The following SAMMSON variants were observed in gnomAD, a reference collection of about 807,000 sequenced individuals.
SAMMSON encodes survival associated mitochondrial melanoma specific oncogenic non-coding RNA.
At chr3:70,319,164 A>C (rs950237877) in intron 7 of SAMMSON, among the ~76,000 whole-genome samples, 1 of 152,012 alleles carries the variant, frequency 6.6e-6, no homozygotes, top group Non-Finnish European at 1.5e-5. Context: ...CCTCTTCTCC[A>C]TAACCCTACA....
chr3:70,433,461 C>T lies in SAMMSON; in HGVS notation n.234-29099C>T, dbSNP rs146587094. Among the ~76,000 whole-genome samples, 139 of 152,084 alleles carry T rather than the reference C, an allele frequency of 9.1e-4. 1 individual carries two copies. In the East Asian group the frequency reaches 0.021, roughly 23 times the overall value. On this transcript the variant is annotated intron_variant and non_coding_transcript_variant, in intron 2 of 3. Transcript: ENST00000641053. ...TTGCTATCTGTATCTGCATTGTTGG[C>T]GGGGTGACTGTTTAGATCTTTTGCC...
chr3:70,249,379 A>G (rs958315839), intron 5 of SAMMSON, among the ~76,000 whole-genome samples: 6 of 152,140 alleles, frequency 3.9e-5, no homozygotes, highest in Non-Finnish European at 8.8e-5. Context: ...TATTGTGCAA[A>G]TATGAGCATT....
chr3:70,125,936 C>T, intron 4 of SAMMSON: 1 of 746,320 alleles, frequency 1.3e-6, no homozygotes, highest in Non-Finnish European at 2.3e-6. Context: ...GGAGGTTCCT[C>T]AGGTGGCTGA....
chr3:70,167,084 A>T (rs1205298873), intron 4 of SAMMSON, among the ~76,000 whole-genome samples: 1 of 152,040 alleles, frequency 6.6e-6, no homozygotes, highest in African/African-American at 2.4e-5. Flanking sequence ...TAACTCATAT[A>T]TCCAAAATAT....
chr3:70,301,420 C>A (rs532322021), intron 7 of SAMMSON, among the ~76,000 whole-genome samples: 1 of 152,150 alleles, frequency 6.6e-6, no homozygotes, highest in African/African-American at 2.4e-5. Context: ...TTATCTGAAT[C>A]CTATGGTAAA....
chr3:70,413,988 C>G lies in SAMMSON; in HGVS notation n.234-48572C>G, dbSNP rs192524839. Among the ~76,000 whole-genome samples, 4 of 152,074 alleles carry G rather than the reference C, an allele frequency of 2.6e-5. No individual in the cohort carries two copies. The East Asian group carries it at 7.7e-4, about 29-fold the overall frequency. ...ACTGTTCTGAAGCATATCAGGCAAA[C>G]AGAAAGTAGGAGAAGGGAGTATGTA... On this transcript the variant is annotated intron_variant and non_coding_transcript_variant, in intron 2 of 3. Transcript: ENST00000641053.
chr3:70,242,873 C>T (rs952394731), intron 4 of SAMMSON, among the ~76,000 whole-genome samples: 1 of 151,954 alleles, frequency 6.6e-6, no homozygotes, highest in African/African-American at 2.4e-5. Flanking sequence ...AATGTCTTGG[C>T]CATCTGTGCC....
At chr3:70,161,087 GTATCATGTTATC>G (rs1248107771) in intron 4 of SAMMSON, among the ~76,000 whole-genome samples, 2 of 151,944 alleles carry the variant, frequency 1.3e-5, no homozygotes, top group Admixed American at 6.6e-5. Flanking sequence ...TCTACACATG[GTATCATGTTATC>G]TTCAAATAAA....
At chr3:70,125,690 A>G in intron 4 of SAMMSON, 2 of 696,572 alleles carry the variant, frequency 2.9e-6, no homozygotes, top group East Asian at 2.7e-5. Context: ...GGTTGGTCAA[A>G]TACATCCGAA....
intron 3 of SAMMSON, chr3:70,065,385 G>A (rs2067205855): frequency 6.6e-6 from 1 of 152,112 alleles, no homozygotes; most frequent in Non-Finnish European, 1.5e-5. Flanking sequence ...CCTGCGTGCA[G>A]TGACGAGGAT....
At chr3:70,278,910 T>C (rs1414917854) in intron 6 of SAMMSON, among the ~76,000 whole-genome samples, 1 of 151,728 alleles carries the variant, frequency 6.6e-6, no homozygotes, top group African/African-American at 2.4e-5. Context: ...GTGTTTGACA[T>C]GTATCTGGAG....
rs1701986869 is a variant in SAMMSON, at chr3:70,272,769, T to G, written n.675-18410T>G. ...TCCTTCCTCTAAATTCCCCTTGCTT[T>G]CTTTCCTCCATTGGAAAGCATAAAT... On this transcript the variant is annotated intron_variant and non_coding_transcript_variant, in intron 6 of 9. Transcript: ENST00000642114. Among the ~76,000 whole-genome samples the G allele has an allele frequency of 2.6e-5, 4 of 152,242 alleles. No individual in the cohort carries two copies. In the South Asian group the frequency reaches 8.3e-4, roughly 31 times the overall value.
chr3:70,010,484 G>A (rs1412354809), intron 1 of SAMMSON, among the ~76,000 whole-genome samples: 1 of 151,768 alleles, frequency 6.6e-6, no homozygotes, highest in Non-Finnish European at 1.5e-5. Context: ...TTGTTTTCCT[G>A]TTTATTGCCA....
At chr3:70,020,107 C>G (rs373461749) in intron 3 of SAMMSON, among the ~76,000 whole-genome samples, 3 of 152,104 alleles carry the variant, frequency 2.0e-5, no homozygotes, top group African/African-American at 7.2e-5. Flanking sequence ...TGATGGTGTT[C>G]CTGCAGCATA....
intron 7 of SAMMSON, among the ~76,000 whole-genome samples, chr3:70,352,506 T>G (rs772896631): frequency 2.0e-5 from 3 of 152,066 alleles, no homozygotes; most frequent in Non-Finnish European, 4.4e-5. Context: ...CCTAAAATGC[T>G]TAAAATAAGT....
intron 4 of SAMMSON, among the ~76,000 whole-genome samples, chr3:70,088,318 C>T (rs982265192): frequency 6.6e-6 from 1 of 152,136 alleles, no homozygotes; most frequent in African/African-American, 2.4e-5. Context: ...AACCATGGAG[C>T]AGGGACTAGG....
At chr3:70,092,875 T>C (rs1159495111) in intron 4 of SAMMSON, among the ~76,000 whole-genome samples, 3 of 151,196 alleles carry the variant, frequency 2.0e-5, no homozygotes, top group Admixed American at 2.0e-4. Context: ...TGAGGGAGGG[T>C]CTCCGGATGT....
At chr3:70,084,074 A>C (rs1375922824) in intron 4 of SAMMSON, among the ~76,000 whole-genome samples, 2 of 152,132 alleles carry the variant, frequency 1.3e-5, no homozygotes, top group African/African-American at 2.4e-5. Context: ...TACACTTTAA[A>C]TGAATTTTGA....
chr3:69,999,660 A>AT (rs1220630202), upstream of SAMMSON: 2 of 152,060 alleles, frequency 1.3e-5, no homozygotes, highest in Admixed American at 6.6e-5. Context: ...CAAATGTTGT[A>AT]TTTTCCAAGC....
Sources: allele counts gnomAD v4.1 joint callset (sites outside exome capture counted in the v4.1 genomes callset), GRCh38; gene constraint gnomAD v4.1.1; transcripts MANE v1.5; gene names NCBI Gene and HGNC (gene_info 2026-07-23, HGNC 2026-07-21).